Variants in PRKCA observed in about 807,000 individuals in gnomAD.
PRKCA encodes protein kinase C alpha, also known as protein kinase C alpha type.
In PRKCA, 27 loss-of-function variants were observed where a neutral mutation model predicts 87.0. The observed-to-expected ratio is 0.31, with a 90% CI of 0.23 to 0.43. PRKCA has a LOEUF of 0.43. Among genes scored for constraint, PRKCA ranks in the 20% least tolerant of loss-of-function variants. The probability of loss-of-function intolerance (pLI) is 1.00; values close to 1 mark genes in which losing one functional copy is unlikely to be tolerated. For synonymous variants in PRKCA, 329 were observed against 311.1 expected (o/e 1.06, Z -0.61); for missense variants, 518 against 852.3 (o/e 0.61, Z 4.88).
Position 66,459,952 on chromosome 17 carries a change from C to T in PRKCA, c.206-36249C>T, listed in dbSNP as rs142530456. The stretch of plus-strand genomic sequence containing the variant: ...ATCAGCAGGCCTTGAGTAATCCATC[C>T]GCAGTCTCGAAGGATGAATCATTCA... On this transcript the variant is annotated intron_variant, in intron 2 of 16. Coordinates refer to ENST00000413366, the MANE Select transcript of PRKCA (RefSeq NM_002737.3). Among the ~76,000 whole-genome samples, 12 of 152,254 alleles carry T rather than the reference C, an allele frequency of 7.9e-5. No homozygotes were observed. In the East Asian group the frequency reaches 1.2e-3, roughly 15 times the overall value.
intron 2 of PRKCA, among the ~76,000 whole-genome samples, chr17:66,383,812 G>A (rs986028878): frequency 6.6e-6 from 1 of 152,046 alleles, no homozygotes; most frequent in Non-Finnish European, 1.5e-5. Flanking sequence ...AATTAGCCGG[G>A]TGTGGTGATG....
intron 3 of PRKCA, among the ~76,000 whole-genome samples, chr17:66,587,817 G>A (rs980920546): frequency 8.9e-6 from 1 of 111,898 alleles, no homozygotes; most frequent in Non-Finnish European, 2.0e-5. Context: ...GTGTGTATAT[G>A]TATACATATA....
At chr17:66,473,128 A>C (rs1819804031) in intron 2 of PRKCA, among the ~76,000 whole-genome samples, 1 of 150,308 alleles carries the variant, frequency 6.7e-6, no homozygotes, top group African/African-American at 2.5e-5. Context: ...CTCCTGCTCC[A>C]GTATTGCATA....
chr17:66,606,219 C>A (rs1316402068), intron 3 of PRKCA, among the ~76,000 whole-genome samples: 1 of 152,078 alleles, frequency 6.6e-6, no homozygotes, highest in Non-Finnish European at 1.5e-5. Context: ...GAAACCCCGT[C>A]TTTACTAAAA....
chr17:66,408,519 A>G (rs148159020), intron 2 of PRKCA, among the ~76,000 whole-genome samples: 1 of 152,296 alleles, frequency 6.6e-6, no homozygotes, highest in East Asian at 1.9e-4. Flanking sequence ...CACCGTGTAT[A>G]TGTTTGCGTG....
intron 3 of PRKCA, among the ~76,000 whole-genome samples, chr17:66,569,009 A>G (rs1460362595): frequency 6.6e-6 from 1 of 152,166 alleles, no homozygotes; most frequent in Non-Finnish European, 1.5e-5. Flanking sequence ...AACCTCAACC[A>G]CAAGTAACAC....
intron 2 of PRKCA, among the ~76,000 whole-genome samples, chr17:66,306,812 C>A (rs554351790): frequency 6.6e-6 from 1 of 152,110 alleles, no homozygotes; most frequent in African/African-American, 2.4e-5. Context: ...TTTGACTTTT[C>A]CTTTTTGAAG....
intron 2 of PRKCA, chr17:66,416,927 C>G (rs80260704): frequency 0.11 from 17,225 of 158,034 alleles, 1,240 homozygotes; most frequent in East Asian, 0.22. Flanking sequence ...GGTGGGCGGT[C>G]TCGCTCTGTC....
In PRKCA at chr17:66,804,046, A is replaced by C; in HGVS notation, c.*9A>C. 1 of 1,595,730 alleles carries C rather than the reference A, an allele frequency of 6.3e-7. No individual in the cohort carries two copies. Among genetic ancestry groups the C allele is most frequent in the Non-Finnish European group, 8.6e-7 (1 of 1,164,942 alleles). On this transcript the variant is annotated 3_prime_UTR_variant, in exon 17 of 17. Transcript: ENST00000413366. ...TACAGAGTGCAGTATGAAACTCACC[A>C]GCGAGAACAAACACCTCCCCAGCCC...
At chr17:66,414,219 G>C (rs568587811) in intron 2 of PRKCA, among the ~76,000 whole-genome samples, 2 of 152,214 alleles carry the variant, frequency 1.3e-5, no homozygotes, top group Non-Finnish European at 2.9e-5. Context: ...GGTGAGAGGT[G>C]ATTAGATCAT....
intron 1 of PRKCA, among the ~76,000 whole-genome samples, chr17:66,303,801 G>C (rs1009399253): frequency 6.6e-6 from 1 of 152,052 alleles, no homozygotes; most frequent in Non-Finnish European, 1.5e-5. Context: ...TCAGTAGTTC[G>C]AGACCAGCCT....
At chr17:66,646,093 C>T (rs1971446610) in intron 5 of PRKCA, among the ~76,000 whole-genome samples, 1 of 152,188 alleles carries the variant, frequency 6.6e-6, no homozygotes, top group South Asian at 2.1e-4. Flanking sequence ...AGATCAATAA[C>T]TTGCAGTGTT....
At chr17:66,528,349 A>G (rs1221166804) in intron 3 of PRKCA, among the ~76,000 whole-genome samples, 1 of 152,128 alleles carries the variant, frequency 6.6e-6, no homozygotes, top group Non-Finnish European at 1.5e-5. Flanking sequence ...TCCATGTCCT[A>G]ATATCCAGAC....
At chr17:66,680,860 A>G (rs1210439063) in intron 5 of PRKCA, among the ~76,000 whole-genome samples, 1 of 152,176 alleles carries the variant, frequency 6.6e-6, no homozygotes, top group African/African-American at 2.4e-5. Flanking sequence ...TCTAGCTTTT[A>G]TGCAAGGCAG....
chr17:66,613,060 A>G (rs1436514476), intron 3 of PRKCA, among the ~76,000 whole-genome samples: 1 of 152,210 alleles, frequency 6.6e-6, no homozygotes, highest in Non-Finnish European at 1.5e-5. Context: ...GATTGCTTAT[A>G]TTTCCAGGAT....
intron 3 of PRKCA, among the ~76,000 whole-genome samples, chr17:66,575,512 G>A (rs1031356121): frequency 2.0e-5 from 3 of 152,098 alleles, no homozygotes; most frequent in South Asian, 2.1e-4. Context: ...CCCGGGAGGC[G>A]GAGGTTGCAG....
chr17:66,482,110 A>AAG (rs1401081290), intron 2 of PRKCA, among the ~76,000 whole-genome samples: 4 of 151,022 alleles, frequency 2.6e-5, no homozygotes, highest in East Asian at 1.9e-4. Flanking sequence ...AAAAAAAAAA[A>AAG]AAAAAAAGAA....
At chr17:66,502,344 C>G (rs1916772630) in intron 3 of PRKCA, among the ~76,000 whole-genome samples, 2 of 151,600 alleles carry the variant, frequency 1.3e-5, no homozygotes, top group African/African-American at 4.9e-5. Flanking sequence ...AAGCGATTCT[C>G]TTGTCTCAGT....
intron 13 of PRKCA, among the ~76,000 whole-genome samples, chr17:66,749,630 G>A (rs990372628): frequency 1.9e-4 from 29 of 152,176 alleles, no homozygotes; most frequent in African/African-American, 6.5e-4. Context: ...TCTGGTGTTG[G>A]CTGCTGTGCC....
Sources: gnomAD v4.1 joint callset for allele counts (sites outside exome capture counted in the v4.1 genomes callset) on GRCh38, gnomAD v4.1.1 for gene constraint, MANE v1.5 for transcripts, NCBI Gene and HGNC (gene_info 2026-07-23, HGNC 2026-07-21) for gene names.